The following N4BP1 variants were observed in gnomAD, a reference collection of about 807,000 sequenced individuals.
The protein encoded by N4BP1 is NEDD4 binding protein 1.
A neutral mutation model predicts 70.9 loss-of-function variants in N4BP1; 21 were observed. That is an observed-to-expected ratio of 0.30 (90% confidence interval 0.21 to 0.43). The LOEUF (loss-of-function observed/expected upper bound fraction) is 0.43. N4BP1 is among the 20% of genes least tolerant of loss of function. The pLI is 1.00. For synonymous variants in N4BP1, 387 were observed against 394.6 expected, an observed-to-expected ratio of 0.98 and a Z score of 0.23; for missense variants, 936 against 1,069.4, an observed-to-expected ratio of 0.88 and a Z score of 1.74.
At chr16:48,554,317 A>T (rs1963720583) in intron 2 of N4BP1, among the ~76,000 whole-genome samples, 1 of 152,118 alleles carries the variant, frequency 6.6e-6, no homozygotes, top group African/African-American at 2.4e-5. Context: ...GCCACAGATA[A>T]CTGTAAGTGA....
chr16:48,582,204 T>C (rs552198773), intron 1 of N4BP1, among the ~76,000 whole-genome samples: 2 of 152,298 alleles, frequency 1.3e-5, no homozygotes, highest in South Asian at 2.1e-4. Flanking sequence ...TCCCCCCTTA[T>C]GTGTGGTTTC....
Position 48,576,917 on chromosome 16 carries a change from G to A in N4BP1, c.199-14473C>T, listed in dbSNP as rs182960261. 2.3e-3 allele frequency among the ~76,000 whole-genome samples: 353 copies of A among 152,216 alleles called. 2 individuals carry two copies. The highest frequency in any genetic ancestry group is 8.2e-3 in the African/African-American group (340 of 41,532). ...CTTTCATCTTCACACTTTTATTTTA[G>A]AGACAGGGTTTTGCTCTGCTGACCA... On this transcript the variant is annotated intron_variant, in intron 1 of 6. Transcript: ENST00000262384.
intron 1 of N4BP1, among the ~76,000 whole-genome samples, chr16:48,572,960 A>C (rs1964040126): frequency 6.6e-6 from 1 of 151,666 alleles, no homozygotes; most frequent in Non-Finnish European, 1.5e-5. Context: ...AAAAGTTAAA[A>C]AATTAGCCGA....
chr16:48,570,783 C>T (rs1964007143), intron 1 of N4BP1, among the ~76,000 whole-genome samples: 1 of 152,192 alleles, frequency 6.6e-6, no homozygotes, highest in South Asian at 2.1e-4. Context: ...GTGGAGTATG[C>T]TTACTCTTTT....
intron 1 of N4BP1, among the ~76,000 whole-genome samples, chr16:48,595,325 T>C (rs1407565923): frequency 6.6e-6 from 1 of 151,638 alleles, no homozygotes; most frequent in Non-Finnish European, 1.5e-5. Context: ...TAGCCAGGCA[T>C]GGTAGCGCAC....
rs549177923 is a variant in N4BP1 at position 48,545,368 on chromosome 16, G to A, written c.2333+779C>T. Among the ~76,000 whole-genome samples, 48 of 150,700 alleles carry A rather than the reference G, an allele frequency of 3.2e-4. No individual in the cohort carries two copies. The South Asian group carries it at 6.2e-3, about 19-fold the overall frequency. On this transcript the variant is annotated intron_variant, in intron 6 of 6. Transcript: ENST00000262384. ...GTGGATCACCTGAGGTCAGGAGTTCGAGACCAGCCTGGCTAACATGGCAAA... is the reference window on the plus strand; with the variant it reads ...GTGGATCACCTGAGGTCAGGAGTTCAAGACCAGCCTGGCTAACATGGCAAA...
intron 1 of N4BP1, among the ~76,000 whole-genome samples, chr16:48,563,658 T>G (rs969892534): frequency 1.3e-5 from 2 of 152,208 alleles, no homozygotes; most frequent in Non-Finnish European, 2.9e-5. Context: ...GGATTACAAT[T>G]AGTTGCTACT....
intron 1 of N4BP1, chr16:48,578,156 G>C (rs1175192954): frequency 5.6e-6 from 1 of 178,294 alleles, no homozygotes; most frequent in Admixed American, 5.7e-5. Flanking sequence ...AGAAGAGATG[G>C]ATTTCCTCCA....
At chr16:48,563,095 T>C (rs1375293291) in intron 1 of N4BP1, among the ~76,000 whole-genome samples, 1 of 152,072 alleles carries the variant, frequency 6.6e-6, no homozygotes, top group Non-Finnish European at 1.5e-5. Flanking sequence ...AAGTGAATGC[T>C]GGACAGTATT....
At chr16:48,576,378 G>A (rs1964093807) in intron 1 of N4BP1, among the ~76,000 whole-genome samples, 1 of 151,998 alleles carries the variant, frequency 6.6e-6, no homozygotes, top group Non-Finnish European at 1.5e-5. Flanking sequence ...TTCCTGGAAG[G>A]GTGCTTATCT....
At chr16:48,605,352 G>T (rs530691701) in intron 1 of N4BP1, among the ~76,000 whole-genome samples, 2 of 152,088 alleles carry the variant, frequency 1.3e-5, no homozygotes, top group Non-Finnish European at 2.9e-5. Context: ...ATTCTAACTC[G>T]TCTCACCCCC....
At chr16:48,609,365 G>T (rs2077733142) in intron 1 of N4BP1, among the ~76,000 whole-genome samples, 2 of 152,320 alleles carry the variant, frequency 1.3e-5, no homozygotes, top group South Asian at 4.1e-4. Context: ...GGGACTGGGG[G>T]ATAAAGGCTT....
rs114094553 is a variant in N4BP1, at chr16:48,552,426, G to A, written c.2021-944C>T. On this transcript the variant is annotated intron_variant, in intron 3 of 6. Coordinates refer to ENST00000262384, the MANE Select transcript of N4BP1 (RefSeq NM_153029.4). ...CACTAAGAGACTCCTTCGGCAGGGC[G>A]TGGTGGCTCCTGCCTGTAATCCCAG... Among the ~76,000 whole-genome samples, 343 of 151,928 alleles carry A rather than the reference G, an allele frequency of 2.3e-3. 1 individual carries two copies. Among genetic ancestry groups the A allele is most frequent in the African/African-American group, 7.8e-3 (325 of 41,460 alleles).
intron 1 of N4BP1, among the ~76,000 whole-genome samples, chr16:48,597,578 G>A (rs1487085734): frequency 6.6e-6 from 1 of 152,138 alleles, no homozygotes; most frequent in Non-Finnish European, 1.5e-5. Flanking sequence ...TAACCAGTTT[G>A]AAGACCCCCA....
In N4BP1 at chr16:48,562,255, C is replaced by T. The variant is rs1453406876; in HGVS notation, c.388G>A (p.Ala130Thr). The change falls in exon 2 of 7, where the codon GCT (alanine) becomes ACT (threonine). Residue 130 changes from alanine to threonine, a missense_variant. Physicochemically the swap from Ala to Thr is moderately conservative, Grantham distance 58. Around this residue, in one of 4 missense-constraint regions of N4BP1, gnomAD observed 187 missense variants for 217.1 expected, o/e 0.86. Transcript: ENST00000262384. Reference protein sequence around the residue: ...IRGSAEAVVMARSHIQQFVKL... With the variant: ...IRGSAEAVVMTRSHIQQFVKL... ...ACAAATTGTTGAATGTGACTCCTAG[C>T]CATGACCACAGCCTCAGCACTTCCT... 1.2e-6 allele frequency: 2 copies of T among 1,613,800 alleles called. No homozygotes were observed. Among genetic ancestry groups the T allele is most frequent in the Non-Finnish European group, 8.5e-7 (1 of 1,179,880 alleles).
rs139734816 is a variant in N4BP1, at chr16:48,567,739, CTTATA to C, written c.199-5300_199-5296del. Among the ~76,000 whole-genome samples, 1,044 of 152,292 alleles carry C rather than the reference CTTATA, an allele frequency of 6.9e-3. 14 individuals carry two copies. The highest frequency in any genetic ancestry group is 0.024 in the African/African-American group (994 of 41,554). The stretch of plus-strand genomic sequence containing the variant: ...TCTATCATTTCATAAAACTATACCA[CTTATA>C]TTAATCATGTTTCTTATTTTCTATA... On this transcript the variant is annotated intron_variant, in intron 1 of 6. Transcript: ENST00000262384.
chr16:48,548,639 G>A (rs1398586818), intron 4 of N4BP1, among the ~76,000 whole-genome samples: 1 of 151,994 alleles, frequency 6.6e-6, no homozygotes, highest in Non-Finnish European at 1.5e-5. Flanking sequence ...TCAAGCCCAG[G>A]AGTTTGAGAC....
intron 1 of N4BP1, among the ~76,000 whole-genome samples, chr16:48,593,678 AAACT>A (rs1417367126): frequency 3.9e-5 from 6 of 152,246 alleles, no homozygotes; most frequent in Admixed American, 1.3e-4. Flanking sequence ...CCTTATGGTC[AAACT>A]AACTAAAACT....
chr16:48,588,036 A>T (rs1410538293), intron 1 of N4BP1, among the ~76,000 whole-genome samples: 1 of 152,112 alleles, frequency 6.6e-6, no homozygotes, highest in Non-Finnish European at 1.5e-5. Flanking sequence ...AACAAAAAAT[A>T]AGCAAAAATC....
Sources: gnomAD v4.1 joint callset for allele counts (sites outside exome capture counted in the v4.1 genomes callset) on GRCh38, gnomAD v4.1.1 for gene constraint, gnomAD v4.1.1 regional missense constraint, MANE v1.5 for transcripts, NCBI Gene and HGNC (gene_info 2026-07-23, HGNC 2026-07-21) for gene names.